The following FRYL variants were observed in gnomAD, a reference collection of about 807,000 sequenced individuals.
FRYL encodes the protein protein furry homolog-like.
FRYL carries 150 observed loss-of-function variants against 351.2 expected under a neutral mutation model. The observed-to-expected ratio is 0.43, with a 90% CI of 0.37 to 0.49. The LOEUF (loss-of-function observed/expected upper bound fraction) is 0.49, where lower values mean the gene tolerates loss of function less well. Ranked by LOEUF, FRYL falls within the 20% of genes least tolerant of loss-of-function variation. FRYL has a pLI of 0.00. For synonymous variants in FRYL, 1,153 were observed against 1,257.1 expected, an observed-to-expected ratio of 0.92 and a Z score of 1.75; for missense variants, 3,036 against 3,619.3, an observed-to-expected ratio of 0.84 and a Z score of 4.13.
chr4:48,690,328 A>T (rs1765572690), intron 2 of FRYL, among the ~76,000 whole-genome samples: 1 of 152,110 alleles, frequency 6.6e-6, no homozygotes, highest in African/African-American at 2.4e-5. Context: ...TGTACTGCTC[A>T]TGAATTTCTG....
intron 32 of FRYL, 50 bp from the exon 33 acceptor site, chr4:48,561,686 TA>T (rs1185950721): frequency 1.4e-6 from 2 of 1,404,288 alleles, no homozygotes; most frequent in African/African-American, 2.9e-5. Flanking sequence ...ATGGGTTCTC[TA>T]AAGTTTAACT....
At position 48,575,048 on chromosome 4, in the gene FRYL, C is replaced by A. The variant is rs527739090; in HGVS notation, c.2846+69G>T. 2.5e-5 allele frequency: 38 copies of A among 1,525,304 alleles called. No homozygotes were observed. In the South Asian group the frequency reaches 3.5e-4, roughly 14 times the overall value. The allele number at this position is 1,525,304 out of a possible 1,614,324, so 94.5% of individuals were successfully genotyped here. Reference sequence around the variant, plus strand: ...TTGACCCTACCACACCTTCTAAGGACCCTACCACACCTTCTAAGTAGCACA... The same window carrying A: ...TTGACCCTACCACACCTTCTAAGGAACCTACCACACCTTCTAAGTAGCACA... On this transcript the variant is annotated intron_variant, in intron 25 of 63. Coordinates refer to ENST00000358350, the MANE Select transcript of FRYL (RefSeq NM_015030.2).
chr4:48,508,154 A>G (rs1352933103), intron 59 of FRYL, among the ~76,000 whole-genome samples: 1 of 152,182 alleles, frequency 6.6e-6, no homozygotes, highest in Non-Finnish European at 1.5e-5. Flanking sequence ...TACTAATTTT[A>G]TTTACAAAAA....
intron 3 of FRYL, among the ~76,000 whole-genome samples, chr4:48,653,273 A>G (rs1758106278): frequency 6.6e-6 from 1 of 152,186 alleles, no homozygotes; most frequent in Non-Finnish European, 1.5e-5. Context: ...GAAAGCTATT[A>G]TCATTATATT....
At chr4:48,657,271 A>G (rs1255675224) in intron 3 of FRYL, among the ~76,000 whole-genome samples, 1 of 152,050 alleles carries the variant, frequency 6.6e-6, no homozygotes, top group Non-Finnish European at 1.5e-5. Flanking sequence ...CCTGGGATCA[A>G]GCCATCCTCC....
At chr4:48,625,915 AC>A (rs1185958646) in intron 4 of FRYL, among the ~76,000 whole-genome samples, 1 of 152,198 alleles carries the variant, frequency 6.6e-6, no homozygotes, top group African/African-American at 2.4e-5. Flanking sequence ...TATATATCAT[AC>A]ATTAATATGT....
chr4:48,595,766 C>G (rs1468834245), intron 14 of FRYL, 68 bp from the exon 15 acceptor site: 12 of 1,167,176 alleles, frequency 1.0e-5, no homozygotes, highest in Non-Finnish European at 1.5e-5. Context: ...AAAATTCTTC[C>G]TATTCTTCAT....
At chr4:48,694,661 C>T (rs959582299) in intron 2 of FRYL, among the ~76,000 whole-genome samples, 3 of 152,202 alleles carry the variant, frequency 2.0e-5, no homozygotes, top group African/African-American at 7.2e-5. Context: ...TGGAAATAAT[C>T]TGCAATATGC....
Position 48,498,612 on chromosome 4 carries a change from GAT to G in FRYL, c.*808_*809del, listed in dbSNP as rs1310750660. 6.6e-6 allele frequency: 1 copy of G among 152,582 alleles called. No homozygotes were observed. Among genetic ancestry groups the G allele is most frequent in the African/African-American group, 2.4e-5 (1 of 41,432 alleles). The allele number at this position is 152,582 out of a possible 1,614,324, so 9.5% of individuals were successfully genotyped here. A position where few individuals can be genotyped will look rare whatever the true frequency, so the allele number is the denominator to read the frequency against. On this transcript the variant is annotated 3_prime_UTR_variant, in exon 64 of 64. Coordinates refer to ENST00000358350, the MANE Select transcript of FRYL (RefSeq NM_015030.2). ...GAGCAGCATTCCAATAACGTTAACA[GAT>G]ATATTATTTCTTTTTGAAATACTGG...
chr4:48,583,318 A>ATT (rs1005431472), intron 19 of FRYL, among the ~76,000 whole-genome samples: 2 of 151,872 alleles, frequency 1.3e-5, no homozygotes, highest in African/African-American at 4.8e-5. Flanking sequence ...CACCCAGCTA[A>ATT]TTTTTTGTAT....
rs765515629 is a variant in FRYL at position 48,576,128 on chromosome 4, C to T, written c.2623G>A (p.Ala875Thr). ...RNYLILCCSA[A>T]TSSSSTSAGS... Reference sequence around the variant, plus strand: ...GCAGATGTGGAAGATGACGATGTTGCTGCACTGCAGCAAAGGATCAGATAG... The same window carrying T: ...GCAGATGTGGAAGATGACGATGTTGTTGCACTGCAGCAAAGGATCAGATAG... Residue 875 changes from alanine to threonine, a missense_variant, in exon 24 of 64, where the codon GCA becomes ACA. Ala to Thr is a moderately conservative substitution (Grantham distance 58, BLOSUM62 0). Around this residue, in one of 7 missense-constraint regions of FRYL, gnomAD observed 492 missense variants for 551.5 expected, o/e 0.89. Coordinates refer to ENST00000358350, the MANE Select transcript of FRYL (RefSeq NM_015030.2). 1.2e-6 allele frequency: 2 copies of T among 1,613,792 alleles called. No individual in the cohort carries two copies. Among genetic ancestry groups the T allele is most frequent in the African/African-American group, 2.7e-5 (2 of 74,854 alleles).
chr4:48,604,245 G>A (rs2149259232), intron 11 of FRYL, among the ~76,000 whole-genome samples: 1 of 152,300 alleles, frequency 6.6e-6, no homozygotes, highest in East Asian at 1.9e-4. Flanking sequence ...AGAAAGAGAA[G>A]CCAGCCAGAG....
rs529366424 is a variant in FRYL at position 48,713,766 on chromosome 4, C to T, written c.-383-3068G>A. Among the ~76,000 whole-genome samples, 7 of 152,280 alleles carry T rather than the reference C, an allele frequency of 4.6e-5. No homozygotes were observed. The East Asian group carries it at 1.2e-3, about 25-fold the overall frequency. On this transcript the variant is annotated intron_variant, in intron 1 of 63. Coordinates refer to ENST00000358350, the MANE Select transcript of FRYL (RefSeq NM_015030.2). Reference sequence around the variant, plus strand: ...GAATTGAACTCAGCTCTACACCAAGCAGACCTAATAGACATCGACAGAACT... The same window carrying T: ...GAATTGAACTCAGCTCTACACCAAGTAGACCTAATAGACATCGACAGAACT...
intron 1 of FRYL, among the ~76,000 whole-genome samples, chr4:48,761,903 T>C (rs996390859): frequency 6.6e-6 from 1 of 152,138 alleles, no homozygotes; most frequent in Non-Finnish European, 1.5e-5. Flanking sequence ...TCAGAATGTA[T>C]CCCCATTGTT....
At chr4:48,603,255 T>C (rs1746060086) in intron 12 of FRYL, 35 bp downstream of exon 12, 8 of 1,298,846 alleles carry the variant, frequency 6.2e-6, no homozygotes, top group Non-Finnish European at 8.8e-6. Context: ...AAAATCCCAA[T>C]TAAATATGAA....
At chr4:48,602,223 C>CT in intron 12 of FRYL, 102 bp from the exon 13 acceptor site, 1 of 649,796 alleles carries the variant, frequency 1.5e-6, no homozygotes, top group South Asian at 1.7e-5. Context: ...GGAAACAAAT[C>CT]TTTTAAGCAG....
chr4:48,765,885 T>A (rs915084785), intron 1 of FRYL, among the ~76,000 whole-genome samples: 1 of 152,106 alleles, frequency 6.6e-6, no homozygotes, highest in East Asian at 1.9e-4. Context: ...AATAGGTATA[T>A]AAAAAGGTGT....
intron 1 of FRYL, among the ~76,000 whole-genome samples, chr4:48,746,016 C>T (rs999556063): frequency 9.9e-5 from 15 of 152,198 alleles, no homozygotes; most frequent in African/African-American, 3.4e-4. Context: ...GAATTTGAGT[C>T]CTGAATTAAG....
rs745319761 is a variant in FRYL at position 48,499,516 on chromosome 4, T to C, written c.8948A>G (p.Asn2983Ser). ...SEANYKLMEL[N>S]LEIRESLRMV... is the part of the protein sequence containing the mutation. ...GCGTAGAGACTCTCTTATTTCCAGATTAAGTTCCATCAGTTTGTAGTTGGC... is the reference window on the plus strand; with the variant it reads ...GCGTAGAGACTCTCTTATTTCCAGACTAAGTTCCATCAGTTTGTAGTTGGC... The change falls in exon 64 of 64, where the codon AAT becomes AGT. Residue 2983 changes from asparagine (N) to serine (S), a missense_variant. Coordinates refer to ENST00000358350, the MANE Select transcript of FRYL (RefSeq NM_015030.2). 1.6e-5 allele frequency: 26 copies of C among 1,614,140 alleles called. No individual in the cohort carries two copies. The highest frequency in any genetic ancestry group is 2.1e-5 in the Non-Finnish European group (25 of 1,179,974).
Sources: gnomAD v4.1 joint callset for allele counts (sites outside exome capture counted in the v4.1 genomes callset) on GRCh38, gnomAD v4.1.1 for gene constraint, gnomAD v4.1.1 regional missense constraint, MANE v1.5 for transcripts, NCBI Gene and HGNC (gene_info 2026-07-23, HGNC 2026-07-21) for gene names.